The following OGA variants were observed in gnomAD, a reference collection of about 807,000 sequenced individuals.
The protein encoded by OGA is O-GlcNAcase, also known as protein O-GlcNAcase.
A neutral mutation model predicts 102.0 loss-of-function variants in OGA; 21 were observed. That is an observed-to-expected ratio of 0.21 (90% CI 0.15 to 0.30). OGA has a LOEUF of 0.30. Among genes scored for constraint, OGA ranks in the 10% least tolerant of loss-of-function variants. The pLI is 1.00. For synonymous variants in OGA, 408 were observed against 378.2 expected, an observed-to-expected ratio of 1.08 and a Z score of -0.91; for missense variants, 765 against 1,107.8, an observed-to-expected ratio of 0.69 and a Z score of 4.39.
intron 10 of OGA, among the ~76,000 whole-genome samples, chr10:101,795,630 A>G (rs2065304843): frequency 6.6e-6 from 1 of 152,218 alleles, no homozygotes; most frequent in Non-Finnish European, 1.5e-5. Context: ...ATTACTACAG[A>G]ACCAAGAAAA....
rs1254459628 is a variant in OGA, at chr10:101,786,220, C to G, written c.*231G>C. 1.6e-5 allele frequency: 6 copies of G among 371,538 alleles called. No individual in the cohort carries two copies. The East Asian group carries it at 2.6e-4, about 16-fold the overall frequency. The allele number at this position is 371,538 out of a possible 1,614,324, so 23.0% of individuals were successfully genotyped here. A position where few individuals can be genotyped will look rare whatever the true frequency, so the allele number is the denominator to read the frequency against. On this transcript the variant is annotated 3_prime_UTR_variant, in exon 16 of 16. Coordinates refer to ENST00000361464, the MANE Select transcript of OGA (RefSeq NM_012215.5). ...AGGTCTCAGCACCTAACACAAGACT[C>G]AAAAAGGAAGCCCACATCTCTCTTT...
intron 6 of OGA, among the ~76,000 whole-genome samples, chr10:101,805,258 T>C (rs2065452592): frequency 1.3e-5 from 2 of 152,158 alleles, no homozygotes; most frequent in Non-Finnish European, 2.9e-5. Flanking sequence ...CTTGAACTCC[T>C]GGGGGCTTCC....
chr10:101,811,365 GACGACACAGCAAGACTCC>G (rs972453725), intron 3 of OGA, among the ~76,000 whole-genome samples: 8 of 127,802 alleles, frequency 6.3e-5, no homozygotes, highest in Non-Finnish European at 9.4e-5. Context: ...CCCCAGTCTG[GACGACACAGCAAGACTCC>G]ATCTCAAAAA....
At chr10:101,801,888 T>A (rs919278446) in intron 7 of OGA, among the ~76,000 whole-genome samples, 2 of 152,232 alleles carry the variant, frequency 1.3e-5, no homozygotes, top group Non-Finnish European at 2.9e-5. Flanking sequence ...GGCTCACGCC[T>A]GTAATCCCAG....
chr10:101,804,767 T>C (rs2065445248), intron 6 of OGA, among the ~76,000 whole-genome samples: 1 of 151,732 alleles, frequency 6.6e-6, no homozygotes. Context: ...ATTTAAAATT[T>C]TTTTGTACAG....
intron 14 of OGA, 61 bp from the exon 15 acceptor site, chr10:101,787,584 T>C (rs1347526330): frequency 1.4e-6 from 2 of 1,383,722 alleles, no homozygotes; most frequent in Admixed American, 1.9e-5. Context: ...CTAACCCAAC[T>C]ACAGAACTTA....
intron 1 of OGA, among the ~76,000 whole-genome samples, chr10:101,815,653 A>AT (rs76000708): frequency 5.2e-4 from 78 of 149,366 alleles, no homozygotes; most frequent in South Asian, 2.1e-3. Context: ...TAGCATTATC[A>AT]TTTTTTTTTT....
At chr10:101,817,693 G>A in intron 1 of OGA, 131 bp downstream of exon 1, 1 of 1,038,812 alleles carries the variant, frequency 9.6e-7, no homozygotes, top group Non-Finnish European at 1.4e-6. Flanking sequence ...CTCTCCCCTC[G>A]CTTTAGGAGG....
intron 12 of OGA, 114 bp downstream of exon 12, chr10:101,792,725 T>C (rs2065273375): frequency 1.5e-6 from 1 of 677,040 alleles, no homozygotes; most frequent in Non-Finnish European, 2.5e-6. Context: ...ACTTTCTCCA[T>C]CTAAAGTTTG....
chr10:101,785,486 T>C lies in OGA; in HGVS notation c.*965A>G, dbSNP rs536060164. 2.6e-5 allele frequency: 4 copies of C among 152,764 alleles called. No homozygotes were observed. The highest frequency in any genetic ancestry group is 2.1e-4 in the South Asian group (1 of 4,832). The allele number at this position is 152,764 out of a possible 1,614,324, so 9.5% of individuals were successfully genotyped here. A position where few individuals can be genotyped will look rare whatever the true frequency, so the allele number is the denominator to read the frequency against. On this transcript the variant is annotated 3_prime_UTR_variant, in exon 16 of 16. Transcript: ENST00000361464. The stretch of plus-strand genomic sequence containing the variant: ...CAACATTTCACATGCTGACCTAATA[T>C]TGAGGTTAATTTCCAGAAGTAACTG...
At chr10:101,810,588 T>C (rs1413284076) in intron 3 of OGA, among the ~76,000 whole-genome samples, 2 of 152,236 alleles carry the variant, frequency 1.3e-5, no homozygotes, top group Admixed American at 6.5e-5. Flanking sequence ...CACTTCCAAA[T>C]AGTTTCTTAT....
At chr10:101,805,956 A>G in intron 6 of OGA, 89 bp downstream of exon 6, 3 of 901,708 alleles carry the variant, frequency 3.3e-6, no homozygotes, top group Admixed American at 2.1e-5. Flanking sequence ...CTCCGTCTCA[A>G]AAAAAAAAGT....
At chr10:101,793,412 A>C (rs1049352865) in intron 11 of OGA, among the ~76,000 whole-genome samples, 2 of 152,226 alleles carry the variant, frequency 1.3e-5, no homozygotes, top group African/African-American at 4.8e-5. Flanking sequence ...TTGGGGGGAG[A>C]AAAGTAGAGC....
chr10:101,810,944 G>C (rs2065546089), intron 3 of OGA, among the ~76,000 whole-genome samples: 1 of 151,284 alleles, frequency 6.6e-6, no homozygotes, highest in Non-Finnish European at 1.5e-5. Context: ...GCCTGCCTTA[G>C]CCTCTTACAG....
chr10:101,803,691 C>T, intron 7 of OGA, 44 bp downstream of exon 7: 1 of 1,553,896 alleles, frequency 6.4e-7, no homozygotes, highest in Middle Eastern at 1.7e-4. Flanking sequence ...CTAGTTAACC[C>T]CAGCTCTCCT....
At chr10:101,807,119 G>A (rs1481987900) in intron 5 of OGA, among the ~76,000 whole-genome samples, 1 of 152,040 alleles carries the variant, frequency 6.6e-6, no homozygotes, top group African/African-American at 2.4e-5. Flanking sequence ...CTAAAATAAG[G>A]TTCTCGGCTC....
At position 101,796,175 on chromosome 10, in the gene OGA, G is replaced by A. The variant is rs75995707; in HGVS notation, c.1984+1805C>T. On this transcript the variant is annotated intron_variant, in intron 10 of 15. Coordinates refer to ENST00000361464, the MANE Select transcript of OGA (RefSeq NM_012215.5). ...ATTATAAGAACCTGAGCAGAAACCT[G>A]GAAGGCAAATGTTGTCATCCAGCAA... Among the ~76,000 whole-genome samples, 1,142 of 152,274 alleles carry A rather than the reference G, an allele frequency of 7.5e-3. 18 individuals carry two copies. The highest frequency in any genetic ancestry group is 0.026 in the African/African-American group (1,076 of 41,548).
rs755509627 is a variant in OGA, at chr10:101,786,433, T to A, written c.*18A>T. The A allele has an allele frequency of 6.3e-7, 1 of 1,598,402 alleles. No homozygotes were observed. The highest frequency in any genetic ancestry group is 8.5e-7 in the Non-Finnish European group (1 of 1,173,614). The stretch of plus-strand genomic sequence containing the variant: ...TGCAGTTAAGAGACTTTTGGACAGT[T>A]CACAGTGTCAACAAATGTCACAGGC... On this transcript the variant is annotated 3_prime_UTR_variant, in exon 16 of 16. Transcript: ENST00000361464.
chr10:101,815,963 G>GAAAAAAAAAAAAAA (rs1364147466), intron 1 of OGA, among the ~76,000 whole-genome samples: 2 of 44,916 alleles, frequency 4.5e-5, no homozygotes, highest in Non-Finnish European at 4.6e-5. Context: ...CAAAAAGAGA[G>GAAAAAAAAAAAAAA]AAAAAAAAAA....
Sources: allele counts gnomAD v4.1 joint callset (sites outside exome capture counted in the v4.1 genomes callset), GRCh38; gene constraint gnomAD v4.1.1; transcripts MANE v1.5; gene names NCBI Gene and HGNC (gene_info 2026-07-23, HGNC 2026-07-21).